The following NLRP2 variants were observed in gnomAD, a reference collection of about 807,000 sequenced individuals.
The protein encoded by NLRP2 is NACHT, LRR and PYD domains-containing protein 2.
NLRP2 carries 107 observed loss-of-function variants against 97.2 expected under a neutral mutation model. The observed-to-expected ratio is 1.10, with a 90% CI of 0.94 to 1.29. NLRP2 has a LOEUF of 1.29. Ranked by LOEUF, NLRP2 falls within the 50% of genes most tolerant of loss-of-function variation. The pLI is 0.00. For synonymous variants in NLRP2, 663 were observed against 551.5 expected (o/e 1.20, Z -2.83); for missense variants, 1,495 against 1,330.3 (o/e 1.12, Z -1.93).
intron 6 of NLRP2, among the ~76,000 whole-genome samples, chr19:54,984,329 G>GGTTTTTTTTTTT (rs1329961462): frequency 1.8e-4 from 14 of 79,666 alleles, no homozygotes; most frequent in Non-Finnish European, 2.5e-4. Flanking sequence ...TTTTTTTTGT[G>GGTTTTTTTTTTT]TTTTTTTTTT....
At chr19:54,990,749 T>G (rs2072423016) in intron 10 of NLRP2, 77 bp downstream of exon 10, 1 of 1,441,982 alleles carries the variant, frequency 6.9e-7, no homozygotes, top group South Asian at 1.1e-5. Context: ...GTAGGGTGGT[T>G]ATGAGAACAC....
rs145165848 is a variant in NLRP2 at position 54,983,868 on chromosome 19, T to C, written c.2030+140T>C. 6.1e-5 allele frequency: 79 copies of C among 1,292,908 alleles called. No individual in the cohort carries two copies. The East Asian group carries it at 1.8e-3, about 30-fold the overall frequency. 80.1% of individuals were successfully genotyped at this position (1,292,908 alleles called of 1,614,324 possible). A position where few individuals can be genotyped will look rare whatever the true frequency, so the allele number is the denominator to read the frequency against. ...TTGGACTCTTTGTTTGTTTTTGTTT[T>C]GAGATGGAGTCTTGCTCTGTCGCTC... On this transcript the variant is annotated intron_variant, in intron 6 of 12. Coordinates refer to ENST00000448584, the MANE Select transcript of NLRP2 (RefSeq NM_017852.5).
upstream of NLRP2, chr19:54,966,339 A>G (rs911977445): frequency 1.3e-5 from 2 of 151,042 alleles, no homozygotes; most frequent in Non-Finnish European, 3.0e-5. Context: ...CGGTGGATAC[A>G]GGAAGTGCTC....
rs149202924 is a variant in NLRP2 at position 54,999,328 on chromosome 19, A to G, written c.3051-1432A>G. On this transcript the variant is annotated intron_variant, in intron 12 of 12. Coordinates refer to ENST00000448584, the MANE Select transcript of NLRP2 (RefSeq NM_017852.5). ...ACACCTGGCTAATCTTGTATTTTTA[A>G]TAGAGACAGGGTTTCTCCATATTGG... is the stretch of plus-strand genomic sequence containing the variant. Among the ~76,000 whole-genome samples, 1,316 of 152,180 alleles carry G rather than the reference A, an allele frequency of 8.6e-3. 14 individuals are homozygous for G. The highest frequency in any genetic ancestry group is 0.031 in the African/African-American group (1,267 of 41,530).
intron 2 of NLRP2, chr19:54,974,148 G>A (rs928450856): frequency 1.4e-5 from 9 of 632,336 alleles, no homozygotes; most frequent in Non-Finnish European, 2.6e-5. Context: ...AAGGTCAGGA[G>A]TCTGAGACCA....
intron 6 of NLRP2, 31 bp downstream of exon 6, chr19:54,983,759 C>G: frequency 1.2e-6 from 2 of 1,602,760 alleles, no homozygotes; most frequent in Non-Finnish European, 1.7e-6. Flanking sequence ...CCAGTCGTTC[C>G]ATCTTTAGCC....
intron 4 of NLRP2, among the ~76,000 whole-genome samples, chr19:54,980,297 C>T (rs956523545): frequency 1.3e-5 from 2 of 151,524 alleles, no homozygotes; most frequent in Admixed American, 6.6e-5. Context: ...CTCCCGGGTT[C>T]ACGCCATTCT....
At chr19:54,998,522 GT>G (rs1160160380) in intron 12 of NLRP2, among the ~76,000 whole-genome samples, 1 of 145,154 alleles carries the variant, frequency 6.9e-6, no homozygotes, top group Non-Finnish European at 1.5e-5. Context: ...GACACTAAGG[GT>G]TTTTTTAAGC....
chr19:54,990,354 A>G (rs1293017684), intron 9 of NLRP2, 148 bp from the exon 10 acceptor site: 2 of 1,115,848 alleles, frequency 1.8e-6, no homozygotes, highest in African/African-American at 1.5e-5. Flanking sequence ...TTCTTCTCTC[A>G]TTCCTATTCC....
chr19:54,997,572 A>T lies in NLRP2; in HGVS notation c.3050+85A>T, dbSNP rs1013815428. 4.4e-6 allele frequency: 6 copies of T among 1,373,432 alleles called. No homozygotes were observed. In the Admixed American group the frequency reaches 6.7e-5, roughly 15 times the overall value. 85.1% of individuals were successfully genotyped at this position (1,373,432 alleles called of 1,614,324 possible). A position where few individuals can be genotyped will look rare whatever the true frequency, so the allele number is the denominator to read the frequency against. On this transcript the variant is annotated intron_variant, in intron 12 of 12. Coordinates refer to ENST00000448584, the MANE Select transcript of NLRP2 (RefSeq NM_017852.5). Reference sequence around the variant, plus strand: ...TAATGACATGGACCTGCTGTAGGAGACTGATCTGGTAGCTGGATTACAGGT... The same window carrying T: ...TAATGACATGGACCTGCTGTAGGAGTCTGATCTGGTAGCTGGATTACAGGT...
chr19:54,971,666 G>A (rs951840040), intron 2 of NLRP2, among the ~76,000 whole-genome samples: 11 of 151,940 alleles, frequency 7.2e-5, no homozygotes, highest in Admixed American at 6.6e-4. Flanking sequence ...TTTTGATGGG[G>A]TTGTTTGTTT....
chr19:54,981,509 G>GCCCCCCCCCCCCCCCCCCCCCCCCCACC, intron 4 of NLRP2, 108 bp from the exon 5 acceptor site: 1 of 386,504 alleles, frequency 2.6e-6, no homozygotes, highest in South Asian at 2.1e-5. Flanking sequence ...CTGATCCCGT[G>GCCCCCCCCCCCCCCCCCCCCCCCCCACC]CCCCCCCTCC....
intron 12 of NLRP2, among the ~76,000 whole-genome samples, chr19:55,000,270 C>CCT (rs2073103005): frequency 2.8e-5 from 1 of 36,000 alleles, no homozygotes; most frequent in Non-Finnish European, 4.8e-5. Flanking sequence ...GAGAGACTGT[C>CCT]TTTTTTTTTT....
chr19:54,973,973 T>A (rs1055872032), intron 2 of NLRP2: 6 of 1,130,904 alleles, frequency 5.3e-6, no homozygotes, highest in Non-Finnish European at 7.9e-6. Context: ...TAAGCCGATT[T>A]TCCGGAAAAA....
In NLRP2 at chr19:54,976,288, C is replaced by T. The variant is rs573219940; in HGVS notation, c.326-1464C>T. Among the ~76,000 whole-genome samples the T allele has an allele frequency of 9.9e-5, 15 of 151,034 alleles. 1 individual carries two copies. Among genetic ancestry groups the T allele is most frequent in the Middle Eastern group, 3.5e-3 (1 of 286 alleles). ...CAGGCTGGTCTTGAACTCCTGACCT[C>T]GTGATCCACGTGCCTCAGCCTCCCA... On this transcript the variant is annotated intron_variant, in intron 3 of 12. Transcript: ENST00000448584.
chr19:54,991,414 A>G (rs536522287), intron 10 of NLRP2: 1 of 152,378 alleles, frequency 6.6e-6, no homozygotes, highest in South Asian at 2.1e-4. Flanking sequence ...TTAGTCACGC[A>G]TGGTGGGACA....
At position 54,998,638 on chromosome 19, in the gene NLRP2, T is replaced by A. The variant is rs1175451892; in HGVS notation, c.3050+1151T>A. On this transcript the variant is annotated intron_variant, in intron 12 of 12. Coordinates refer to ENST00000448584, the MANE Select transcript of NLRP2 (RefSeq NM_017852.5). ...TTTTTTTTTTTTTTTTTCCTTTTTTTTTTTTTTTTTTTTTATTGATCATTC... is the reference window on the plus strand; with the variant it reads ...TTTTTTTTTTTTTTTTTCCTTTTTTATTTTTTTTTTTTTTATTGATCATTC... 4.2e-4 allele frequency among the ~76,000 whole-genome samples: 56 copies of A among 133,722 alleles called. 2 individuals carry two copies. The highest frequency in any genetic ancestry group is 3.1e-3 in the South Asian group (13 of 4,132). 87.7% of individuals were successfully genotyped at this position (133,722 alleles called of 152,430 possible).
chr19:54,990,985 CAA>C, intron 10 of NLRP2: 1 of 409,958 alleles, frequency 2.4e-6, no homozygotes, highest in South Asian at 2.8e-5. Flanking sequence ...CTCCTGAGCT[CAA>C]GAGATCTGCC....
chr19:54,983,350 TC>T lies in NLRP2; in HGVS notation c.1654del (p.Gln552LysfsTer39). The stretch of plus-strand genomic sequence containing the variant: ...GAAAGACTCAGGAACCCCGACCTGA[TC>T]CAAGCAGGCTACTACTCCTTTGGCC... Reference protein sequence around the residue: ...GVERLRNPDLIQAGYYSFGLA... With the variant: ...GVERLRNPDLXQAGYYSFGLA... On this transcript the variant is annotated frameshift_variant, in exon 6 of 13. Transcript: ENST00000448584. LOFTEE classifies it high-confidence loss of function. 6.2e-7 allele frequency: 1 copy of T among 1,614,160 alleles called. No homozygotes were observed. Among genetic ancestry groups the T allele is most frequent in the Non-Finnish European group, 8.5e-7 (1 of 1,180,034 alleles).
Sources: gnomAD v4.1 joint callset for allele counts (sites outside exome capture counted in the v4.1 genomes callset) on GRCh38, gnomAD v4.1.1 for gene constraint, MANE v1.5 for transcripts, NCBI Gene and HGNC (gene_info 2026-07-23, HGNC 2026-07-21) for gene names.